NUP93: variants seen among roughly 807,000 people sequenced by gnomAD.
NUP93 encodes the protein nucleoporin 93.
Under a neutral mutation model 107.8 loss-of-function variants are expected in NUP93, and 55 were observed. The ratio of observed to expected loss-of-function variants is 0.51; its 90% CI spans 0.41 to 0.64. NUP93 has a LOEUF of 0.64. NUP93 is among the 30% of genes least tolerant of loss of function. The pLI is 0.00. For synonymous variants in NUP93, 390 were observed against 397.5 expected, an observed-to-expected ratio of 0.98 and a Z score of 0.22; for missense variants, 937 against 1,044.7, an observed-to-expected ratio of 0.90 and a Z score of 1.42.
chr16:56,731,065 C>T (rs1361828165), intron 1 of NUP93, among the ~76,000 whole-genome samples: 3 of 151,882 alleles, frequency 2.0e-5, no homozygotes, highest in African/African-American at 4.8e-5. Flanking sequence ...TTTAAATTCT[C>T]CTTTGTGCAT....
intron 3 of NUP93, among the ~76,000 whole-genome samples, chr16:56,784,071 A>G (rs923880673): frequency 2.6e-5 from 4 of 152,128 alleles, no homozygotes; most frequent in Non-Finnish European, 5.9e-5. Context: ...TTTGTGAGTG[A>G]TTTTAGCACA....
At chr16:56,794,416 C>A (rs1962843374) in intron 3 of NUP93, among the ~76,000 whole-genome samples, 1 of 121,910 alleles carries the variant, frequency 8.2e-6, no homozygotes, top group Admixed American at 8.5e-5. Flanking sequence ...TAAATAAAGA[C>A]CAGAGTAATC....
intron 5 of NUP93, 101 bp from the exon 6 acceptor site, chr16:56,818,563 A>G (rs563820260): frequency 2.1e-6 from 2 of 943,114 alleles, no homozygotes; most frequent in South Asian, 3.2e-5. Context: ...CAGACTTTTC[A>G]CAGCTCTGTT....
intron 3 of NUP93, among the ~76,000 whole-genome samples, chr16:56,783,202 T>C (rs542301152): frequency 6.6e-6 from 1 of 152,216 alleles, no homozygotes; most frequent in Non-Finnish European, 1.5e-5. Context: ...TTGTGGGACC[T>C]GTGGGGTCTG....
At position 56,833,357 on chromosome 16, in the gene NUP93, G is replaced by A. The variant is rs537108785; in HGVS notation, c.1488G>A (p.Leu496=). 5.4e-5 allele frequency: 85 copies of A among 1,583,190 alleles called. No individual in the cohort carries two copies. Among genetic ancestry groups the A allele is most frequent in the Non-Finnish European group, 6.2e-5 (72 of 1,169,622 alleles). The change falls in exon 13 of 22, where the codon CTG becomes CTA. Residue 496 remains leucine (L), a synonymous_variant. Coordinates refer to ENST00000308159, the MANE Select transcript of NUP93 (RefSeq NM_014669.5). ...ATGCTGTCCATGTAGCACTGGTGCT[G>A]TTTGAGCTGAAGCTGCTTTTAAAGT... ...RCHAVHVALV[L]FELKLLLKSS... is the part of the protein sequence containing the mutation.
intron 3 of NUP93, among the ~76,000 whole-genome samples, chr16:56,768,234 C>T (rs1331268103): frequency 1.3e-5 from 2 of 152,142 alleles, no homozygotes; most frequent in African/African-American, 2.4e-5. Flanking sequence ...TGTTTCTCAC[C>T]GTTGCAGTGA....
At chr16:56,810,867 T>A (rs1169845765) in intron 5 of NUP93, among the ~76,000 whole-genome samples, 1 of 152,174 alleles carries the variant, frequency 6.6e-6, no homozygotes, top group Non-Finnish European at 1.5e-5. Flanking sequence ...AAATTAATTT[T>A]GCCTGTTTTT....
intron 7 of NUP93, among the ~76,000 whole-genome samples, chr16:56,822,564 C>CT (rs56395453): frequency 0.41 from 51,519 of 126,742 alleles, 10,794 homozygotes; most frequent in African/African-American, 0.46. Flanking sequence ...CTTTTCTTTT[C>CT]TTTTTTTTTT....
intron 3 of NUP93, among the ~76,000 whole-genome samples, chr16:56,775,196 C>T (rs1469577165): frequency 1.3e-5 from 2 of 152,134 alleles, no homozygotes; most frequent in East Asian, 3.8e-4. Flanking sequence ...CCACCGCGCC[C>T]AGCCCGAATT....
intron 9 of NUP93, among the ~76,000 whole-genome samples, chr16:56,829,495 G>T (rs186387083): frequency 8.6e-4 from 131 of 152,300 alleles, no homozygotes; most frequent in Non-Finnish European, 1.5e-3. Context: ...TCTCTTCTCA[G>T]CTCGTGGTCC....
chr16:56,772,357 C>G (rs549597049), intron 3 of NUP93, among the ~76,000 whole-genome samples: 1 of 152,192 alleles, frequency 6.6e-6, no homozygotes, highest in African/African-American at 2.4e-5. Context: ...AGTTTGGACT[C>G]CGGATTCTTT....
At chr16:56,754,517 G>C (rs146632172) in intron 2 of NUP93, among the ~76,000 whole-genome samples, 3 of 152,308 alleles carry the variant, frequency 2.0e-5, no homozygotes, top group East Asian at 1.9e-4. Context: ...AGATACAATG[G>C]GGGTACAGGC....
intron 4 of NUP93, among the ~76,000 whole-genome samples, chr16:56,800,495 T>G (rs1310101748): frequency 6.6e-6 from 1 of 152,178 alleles, no homozygotes; most frequent in African/African-American, 2.4e-5. Flanking sequence ...CCAAAACATT[T>G]AGGTGACATA....
rs1702967764 is a variant in NUP93, at chr16:56,758,466, C to T, written c.180-72C>T. The T allele has an allele frequency of 4.7e-6, 5 of 1,071,542 alleles. No homozygotes were observed. The Admixed American group carries it at 8.5e-5, about 18-fold the overall frequency. 66.4% of individuals were successfully genotyped at this position (1,071,542 alleles called of 1,614,324 possible). The stretch of plus-strand genomic sequence containing the variant: ...AAATGCTCTCTAGTATTTGATGAAG[C>T]ATATTAGATGTCCTAATCCTAATCC... On this transcript the variant is annotated intron_variant, in intron 2 of 21. Coordinates refer to ENST00000308159, the MANE Select transcript of NUP93 (RefSeq NM_014669.5).
Position 56,748,065 on chromosome 16 carries a change from A to G in NUP93, c.-14-169A>G, listed in dbSNP as rs1254454722. The G allele has an allele frequency of 8.3e-6, 4 of 480,982 alleles. No individual in the cohort carries two copies. The East Asian group carries it at 1.3e-4, about 15-fold the overall frequency. The allele number at this position is 480,982 out of a possible 1,614,324, so 29.8% of individuals were successfully genotyped here. ...CACAGCCTGACTCATTTTCTCTGTC[A>G]GGCCTGTTCTTGGGCTATGTTCAGG... On this transcript the variant is annotated intron_variant, in intron 1 of 21. Coordinates refer to ENST00000308159, the MANE Select transcript of NUP93 (RefSeq NM_014669.5).
At chr16:56,752,481 A>G (rs1429014228) in intron 2 of NUP93, among the ~76,000 whole-genome samples, 1 of 152,188 alleles carries the variant, frequency 6.6e-6, no homozygotes, top group Non-Finnish European at 1.5e-5. Flanking sequence ...AGGGTAGAGA[A>G]AAGTATTTAG....
At chr16:56,781,181 T>C (rs1233362610) in intron 3 of NUP93, among the ~76,000 whole-genome samples, 7 of 152,210 alleles carry the variant, frequency 4.6e-5, no homozygotes, top group African/African-American at 1.7e-4. Context: ...GAAGTGACAG[T>C]TGAGCTGAGC....
intron 3 of NUP93, among the ~76,000 whole-genome samples, chr16:56,760,296 C>T (rs1352751949): frequency 1.3e-5 from 2 of 152,092 alleles, no homozygotes; most frequent in Non-Finnish European, 2.9e-5. Context: ...AGGAGGCTGA[C>T]GTGGGAGGAT....
chr16:56,836,658 T>C lies in NUP93; in HGVS notation c.1840T>C (p.Ser614Pro), dbSNP rs1299614557. 4.3e-6 allele frequency: 7 copies of C among 1,614,050 alleles called. No individual in the cohort carries two copies. Among genetic ancestry groups the C allele is most frequent in the Non-Finnish European group, 5.9e-6 (7 of 1,180,008 alleles). The change falls in exon 17 of 22, where the codon TCT (serine) becomes CCT (proline). Residue 614 changes from serine to proline, a missense_variant. By Grantham distance (74) the Ser-to-Pro change is moderately conservative. Transcript: ENST00000308159. Reference sequence around the variant, plus strand: ...AAAGCCTATTATCAACAAAGTTGCTTCTGTGGCAGAAAATAAAGGACTGTT... The same window carrying C: ...AAAGCCTATTATCAACAAAGTTGCTCCTGTGGCAGAAAATAAAGGACTGTT... ...DTKPIINKVA[S>P]VAENKGLFEE... is the part of the protein sequence containing the mutation.
Sources: allele counts gnomAD v4.1 joint callset (sites outside exome capture counted in the v4.1 genomes callset), GRCh38; gene constraint gnomAD v4.1.1; transcripts MANE v1.5; gene names NCBI Gene and HGNC (gene_info 2026-07-23, HGNC 2026-07-21).